The following LAMB1 variants were observed in gnomAD, a reference collection of about 807,000 sequenced individuals.
LAMB1 encodes the protein laminin subunit beta-1.
A neutral mutation model predicts 222.3 loss-of-function variants in LAMB1; 121 were observed. The observed-to-expected ratio is 0.54, with a 90% confidence interval of 0.47 to 0.63. LAMB1 has a LOEUF of 0.63. Ranked by LOEUF, LAMB1 falls within the 30% of genes least tolerant of loss-of-function variation. The pLI, the probability that LAMB1 is intolerant of heterozygous loss-of-function variation, is 0.00. For synonymous variants in LAMB1, 794 were observed against 807.2 expected, an observed-to-expected ratio of 0.98 and a Z score of 0.28; for missense variants, 2,172 against 2,240.8, an observed-to-expected ratio of 0.97 and a Z score of 0.62.
chr7:108,002,462 G>A (rs2034410259), intron 2 of LAMB1: 3 of 1,274,390 alleles, frequency 2.4e-6, no homozygotes, highest in African/African-American at 1.5e-5. Context: ...TGAAGCCTCC[G>A]CTCAGCTCAG....
intron 24 of LAMB1, among the ~76,000 whole-genome samples, chr7:107,943,611 C>A (rs1584493588): frequency 6.6e-6 from 1 of 152,124 alleles, no homozygotes. Flanking sequence ...TCATAAAAAA[C>A]AGATTGCTTC....
intron 13 of LAMB1, among the ~76,000 whole-genome samples, chr7:107,969,275 G>A (rs1445921231): frequency 1.1e-4 from 16 of 140,268 alleles, no homozygotes; most frequent in African/African-American, 4.4e-4. Flanking sequence ...GCGACAGAGC[G>A]AGACTCCGTC....
intron 20 of LAMB1, 108 bp from the exon 21 acceptor site, chr7:107,955,738 T>C (rs1370757591): frequency 3.1e-6 from 3 of 981,660 alleles, no homozygotes; most frequent in African/African-American, 1.7e-5. Flanking sequence ...TCTCCACTCC[T>C]CATGTTTTCT....
intron 5 of LAMB1, among the ~76,000 whole-genome samples, chr7:107,988,160 G>C (rs2034114984): frequency 6.6e-6 from 1 of 152,220 alleles, no homozygotes; most frequent in African/African-American, 2.4e-5. Flanking sequence ...TACACTTGGT[G>C]ATCAATTAGA....
At chr7:107,958,659 C>G (rs562534428) in intron 20 of LAMB1, among the ~76,000 whole-genome samples, 1 of 152,158 alleles carries the variant, frequency 6.6e-6, no homozygotes, top group African/African-American at 2.4e-5. Flanking sequence ...CTTTTTCATA[C>G]GGAGTATTTT....
Position 107,926,197 on chromosome 7 carries a change from C to A in LAMB1, c.5050G>T (p.Glu1684Ter). The stretch of plus-strand genomic sequence containing the variant: ...GATTTACGTACCTTCTTAACATCTT[C>A]TGCACTTTGCTTCACAGTATATACT... Reference protein sequence around the residue: ...KVVYTVKQSAEDVKKTLDGEL... With the variant: ...KVVYTVKQSA Residue 1684 changes from glutamate (E) to a stop codon, truncating the protein, a stop_gained, in exon 32 of 34, where the codon GAA (glutamate) becomes TAA (stop). Transcript: ENST00000222399. LOFTEE classifies it high-confidence loss of function. 2 of 1,613,454 alleles carry A rather than the reference C, an allele frequency of 1.2e-6. No homozygotes were observed. The highest frequency in any genetic ancestry group is 1.7e-6 in the Non-Finnish European group (2 of 1,179,496).
chr7:108,001,440 G>A, intron 3 of LAMB1, 118 bp downstream of exon 3: 5 of 1,171,400 alleles, frequency 4.3e-6, no homozygotes, highest in East Asian at 2.6e-5. Flanking sequence ...GGGACTCCCC[G>A]GCTGGCTGCG....
chr7:107,953,508 G>T (rs755652611), intron 22 of LAMB1, 22 bp downstream of exon 22: 1 of 1,514,644 alleles, frequency 6.6e-7, no homozygotes, highest in Non-Finnish European at 9.2e-7. Flanking sequence ...TAAGAAGTGG[G>T]CAGAATAAAT....
intron 9 of LAMB1, 133 bp from the exon 10 acceptor site, chr7:107,976,010 T>G: frequency 1.4e-6 from 1 of 696,310 alleles, no homozygotes; most frequent in African/African-American, 1.8e-5. Flanking sequence ...GCAGGACTCC[T>G]GGGGAAAAAG....
At chr7:107,968,504 G>A (rs2033678336) in intron 13 of LAMB1, among the ~76,000 whole-genome samples, 2 of 152,196 alleles carry the variant, frequency 1.3e-5, no homozygotes, top group Admixed American at 1.3e-4. Flanking sequence ...TCAAGATGGA[G>A]CGATTATTGG....
At chr7:107,987,072 A>C (rs2034094127) in intron 5 of LAMB1, among the ~76,000 whole-genome samples, 1 of 152,258 alleles carries the variant, frequency 6.6e-6, no homozygotes, top group South Asian at 2.1e-4. Flanking sequence ...CAACTGATGA[A>C]GATAAACAAA....
intron 18 of LAMB1, 60 bp downstream of exon 18, chr7:107,960,385 T>C (rs1337944439): frequency 4.5e-6 from 6 of 1,320,440 alleles, no homozygotes; most frequent in Middle Eastern, 2.4e-4. Flanking sequence ...CTGTACTTCA[T>C]GTGCCAGATA....
chr7:107,971,794 G>GA (rs1217840164), intron 13 of LAMB1, among the ~76,000 whole-genome samples: 1 of 152,158 alleles, frequency 6.6e-6, no homozygotes, highest in East Asian at 1.9e-4. Context: ...ATGGAATAGA[G>GA]AAAAAGAGGA....
intron 7 of LAMB1, among the ~76,000 whole-genome samples, chr7:107,982,244 G>C (rs1255583544): frequency 6.6e-6 from 1 of 152,196 alleles, no homozygotes; most frequent in Non-Finnish European, 1.5e-5. Context: ...CCCAGAGATT[G>C]ATTCATCTGT....
rs1233924285 is a variant in LAMB1, at chr7:107,929,453, A to G, written c.4704T>C (p.Ile1568=). 8.1e-6 allele frequency: 13 copies of G among 1,614,046 alleles called. 1 individual carries two copies. The highest frequency in any genetic ancestry group is 3.3e-4 in the Middle Eastern group (2 of 6,084). ...EVILQHSAAD[I]ARAEMLLEEA... is the part of the protein sequence containing the mutation. ...CTTCTAACAACATCTCAGCTCTGGCAATGTCAGCAGCACTATGCTGAAGAA... is the reference window on the plus strand; with the variant it reads ...CTTCTAACAACATCTCAGCTCTGGCGATGTCAGCAGCACTATGCTGAAGAA... The change falls in exon 30 of 34, where the codon ATT becomes ATC. Residue 1568 remains isoleucine, a synonymous_variant. Transcript: ENST00000222399.
In LAMB1 at chr7:107,935,649, C is replaced by A. The variant is rs1319872389; in HGVS notation, c.3954G>T (p.Leu1318Phe). 8.7e-6 allele frequency: 14 copies of A among 1,613,712 alleles called. No homozygotes were observed. Among genetic ancestry groups the A allele is most frequent in the Non-Finnish European group, 1.2e-5 (14 of 1,179,898 alleles). Residue 1318 changes from leucine to phenylalanine, a missense_variant, in exon 27 of 34, where the codon TTG (leucine) becomes TTT (phenylalanine). Leu to Phe is a conservative substitution (Grantham distance 22, BLOSUM62 0). Transcript: ENST00000222399. The part of the protein sequence containing the change: ...FIKNSDIRGA[L>F]DSITKYFQMS... ...TCTGGAAATACTTGGTAATGCTATC[C>A]AAGGCACCTAGGGTAGGAAATGAAA...
intron 5 of LAMB1, among the ~76,000 whole-genome samples, chr7:107,989,188 G>A (rs1377215150): frequency 3.3e-5 from 5 of 152,190 alleles, no homozygotes; most frequent in Non-Finnish European, 2.9e-5. Context: ...AGGGTCAACT[G>A]GAAGTAAAAG....
chr7:107,930,168 T>C (rs1254026714), intron 29 of LAMB1, among the ~76,000 whole-genome samples: 3 of 152,126 alleles, frequency 2.0e-5, no homozygotes, highest in Admixed American at 6.5e-5. Context: ...GAGAAAATTA[T>C]AGAAGCAGGA....
chr7:107,987,757 C>T (rs2034106590), intron 5 of LAMB1, among the ~76,000 whole-genome samples: 1 of 152,176 alleles, frequency 6.6e-6, no homozygotes. Flanking sequence ...CTGCCTTGGC[C>T]TCCCAAAGTG....
Sources: allele counts gnomAD v4.1 joint callset (sites outside exome capture counted in the v4.1 genomes callset), GRCh38; gene constraint gnomAD v4.1.1; transcripts MANE v1.5; gene names NCBI Gene and HGNC (gene_info 2026-07-23, HGNC 2026-07-21).